Variants in ALOXE3 observed in about 807,000 individuals in gnomAD.
ALOXE3 encodes the protein arachidonate epidermal lipoxygenase 3, also known as hydroperoxide isomerase ALOXE3.
Under a neutral mutation model 87.5 loss-of-function variants are expected in ALOXE3, and 78 were observed. The observed-to-expected ratio is 0.89, with a 90% confidence interval of 0.74 to 1.08. The LOEUF is 1.08. Ranked by LOEUF, ALOXE3 falls within the 50% of genes least tolerant of loss-of-function variation. The pLI is 0.00. For missense variants in ALOXE3, 946 were observed against 912.4 expected (o/e 1.04, Z -0.47); for synonymous variants, 363 against 370.8 (o/e 0.98, Z 0.24).
chr17:8,114,136 C>T (rs977610202), intron 6 of ALOXE3, among the ~76,000 whole-genome samples: 5 of 151,954 alleles, frequency 3.3e-5, no homozygotes, highest in Non-Finnish European at 4.4e-5. Context: ...GTCACCTGGG[C>T]TCCTAAGCAC....
chr17:8,105,517 G>C (rs889758451), intron 13 of ALOXE3, among the ~76,000 whole-genome samples: 1 of 152,138 alleles, frequency 6.6e-6, no homozygotes, highest in Non-Finnish European at 1.5e-5. Context: ...CTCTCCAAAA[G>C]AATGTTAAGC....
At chr17:8,096,931 G>T in intron 15 of ALOXE3, 125 bp from the exon 16 acceptor site, 1 of 1,132,248 alleles carries the variant, frequency 8.8e-7, no homozygotes, top group Non-Finnish European at 1.3e-6. Flanking sequence ...TGCAGCCATT[G>T]TAAACACTTG....
intron 13 of ALOXE3, among the ~76,000 whole-genome samples, chr17:8,104,726 G>A (rs1164326764): frequency 6.6e-6 from 1 of 152,220 alleles, no homozygotes; most frequent in Non-Finnish European, 1.5e-5. Flanking sequence ...GGGCAGAAAG[G>A]GGCACCAGGA....
In ALOXE3 at chr17:8,114,580, G is replaced by C. The variant is rs139573113; in HGVS notation, c.584C>G (p.Pro195Arg). The C allele has an allele frequency of 3.7e-6, 6 of 1,613,910 alleles. No individual in the cohort carries two copies. The African/African-American group carries it at 8.0e-5, about 22-fold the overall frequency. ...CAGGGATGGGATGTCAATTTTCATG[G>C]GGAAGCCGGGCAGGTACCGATTCCC... ...SSGNRYLPGF[P>R]MKIDIPSLMY... The change falls in exon 6 of 16, where the codon CCC (proline) becomes CGC (arginine). Residue 195 changes from proline to arginine, a missense_variant. Pro to Arg is a moderately radical substitution (Grantham distance 103). Transcript: ENST00000448843.
At chr17:8,106,817 T>A (rs1437281632) in intron 13 of ALOXE3, among the ~76,000 whole-genome samples, 2 of 152,212 alleles carry the variant, frequency 1.3e-5, no homozygotes, top group Admixed American at 6.5e-5. Context: ...AATAGGTTTG[T>A]ACTCATTGAA....
rs1445531823 is a variant in ALOXE3, at chr17:8,110,303, C to T, written c.1102-8G>A. 1 of 1,613,578 alleles carries T rather than the reference C, an allele frequency of 6.2e-7. No homozygotes were observed. Among genetic ancestry groups the T allele is most frequent in the African/African-American group, 1.3e-5 (1 of 74,902 alleles). On this transcript the variant is annotated splice_polypyrimidine_tract_variant and splice_region_variant and intron_variant, in intron 9 of 15. Coordinates refer to ENST00000448843, the MANE Select transcript of ALOXE3 (RefSeq NM_021628.3). ...CCCGGGGGTCTGGCTGAGCTGCGTC[C>T]GAAAGGAACGAGGGATGATGGGGCT...
At chr17:8,109,627 A>C (rs1463715375) in intron 11 of ALOXE3, among the ~76,000 whole-genome samples, 1 of 129,172 alleles carries the variant, frequency 7.7e-6, no homozygotes, top group African/African-American at 2.9e-5. Flanking sequence ...GCTGGGGCTC[A>C]GGATGAGGCT....
intron 15 of ALOXE3, among the ~76,000 whole-genome samples, chr17:8,103,011 G>A (rs537034279): frequency 1.9e-4 from 29 of 152,294 alleles, no homozygotes; most frequent in African/African-American, 6.7e-4. Context: ...TTATAGGCCT[G>A]GTGCCCAGTG....
chr17:8,102,497 G>A (rs376443413), intron 15 of ALOXE3, among the ~76,000 whole-genome samples: 1 of 152,130 alleles, frequency 6.6e-6, no homozygotes. Flanking sequence ...CATGTGGGGG[G>A]GTGGGGGAAG....
In ALOXE3 at chr17:8,109,139, T is replaced by C. The variant is rs1321006754; in HGVS notation, c.1562+35A>G. 3.1e-6 allele frequency: 5 copies of C among 1,609,986 alleles called. No individual in the cohort carries two copies. The South Asian group carries it at 5.5e-5, about 18-fold the overall frequency. Reference sequence around the variant, plus strand: ...CACAATGTCCCAGGCCAGGAGACCCTGGTGGGACTGCTGGTCCCGCCCCGC... The same window carrying C: ...CACAATGTCCCAGGCCAGGAGACCCCGGTGGGACTGCTGGTCCCGCCCCGC... On this transcript the variant is annotated intron_variant, in intron 12 of 15. Coordinates refer to ENST00000448843, the MANE Select transcript of ALOXE3 (RefSeq NM_021628.3).
intron 12 of ALOXE3, 80 bp downstream of exon 12, chr17:8,109,094 G>A: frequency 6.3e-7 from 1 of 1,579,914 alleles, no homozygotes. Flanking sequence ...GAAATCCCCA[G>A]GCGCCATGAG....
chr17:8,096,908 A>G (rs1011441787), intron 15 of ALOXE3, 102 bp from the exon 16 acceptor site: 4 of 1,334,508 alleles, frequency 3.0e-6, no homozygotes, highest in Non-Finnish European at 4.2e-6. Flanking sequence ...GGCTTCTAGT[A>G]GCACAACCCA....
In ALOXE3 at chr17:8,096,610, G is replaced by T. The variant is rs761086809; in HGVS notation, c.*17C>A. The T allele has an allele frequency of 4.5e-6, 5 of 1,105,258 alleles. No individual in the cohort carries two copies. The highest frequency in any genetic ancestry group is 7.0e-6 in the Non-Finnish European group (5 of 715,338). The allele number at this position is 1,105,258 out of a possible 1,614,324, so 68.5% of individuals were successfully genotyped here. On this transcript the variant is annotated 3_prime_UTR_variant, in exon 16 of 16. Transcript: ENST00000448843. ...TGCTTGGACCTTTCTTTCTTCTTGG[G>T]TGGTATTTGGGGGTGGTTAGATGGA...
Position 8,096,823 on chromosome 17 carries a change from T to G in ALOXE3, c.1957-17A>C, listed in dbSNP as rs1461359034. On this transcript the variant is annotated splice_polypyrimidine_tract_variant and intron_variant, in intron 15 of 15. Coordinates refer to ENST00000448843, the MANE Select transcript of ALOXE3 (RefSeq NM_021628.3). ...CAGGGGCCTCTGGGAGGACATCAGG[T>G]AAGAGGTCAGGATGACATTCAGATG... The G allele has an allele frequency of 1.9e-6, 3 of 1,613,490 alleles. No homozygotes were observed.
At chr17:8,107,578 T>C (rs537109560) in intron 13 of ALOXE3, among the ~76,000 whole-genome samples, 1 of 151,366 alleles carries the variant, frequency 6.6e-6, no homozygotes, top group Admixed American at 6.6e-5. Flanking sequence ...GGCGGGCGGA[T>C]CATGAGGTCA....
chr17:8,111,402 G>A lies in ALOXE3; in HGVS notation c.914C>T (p.Ala305Val), dbSNP rs757749531. Residue 305 changes from alanine to valine, a missense_variant, in exon 8 of 16, where the codon GCC becomes GTC. Physicochemically the swap from Ala to Val is moderately conservative, Grantham distance 64. Coordinates refer to ENST00000448843, the MANE Select transcript of ALOXE3 (RefSeq NM_021628.3). ...SKLPVTNDMV[A>V]PLLGQDTCLQ... is the part of the protein sequence containing the mutation. ...GCATGTGTCCTGTCCCAGCAAGGGG[G>A]CCACCATGTCATTGGTGACAGGCAG... 4.3e-6 allele frequency: 7 copies of A among 1,613,762 alleles called. No individual in the cohort carries two copies. The South Asian group carries it at 5.5e-5, about 13-fold the overall frequency.
At chr17:8,117,803 GC>G in intron 2 of ALOXE3, 40 bp downstream of exon 2, 1 of 1,599,686 alleles carries the variant, frequency 6.3e-7, no homozygotes, top group African/African-American at 1.3e-5. Context: ...TGCGGCCCCT[GC>G]CCCTCTGAGG....
At chr17:8,118,563 C>G, upstream of ALOXE3, 1 of 1,527,342 alleles carries the variant, frequency 6.5e-7, no homozygotes, top group South Asian at 1.2e-5. Flanking sequence ...TCACACGTGA[C>G]TGCAGCCACA....
At position 8,110,431 on chromosome 17, in the gene ALOXE3, A is replaced by G; in HGVS notation, c.1055T>C (p.Leu352Pro). The G allele has an allele frequency of 1.2e-6, 2 of 1,612,692 alleles. No individual in the cohort carries two copies. Among genetic ancestry groups the G allele is most frequent in the African/African-American group, 1.3e-5 (1 of 75,054 alleles). Residue 352 changes from leucine (L) to proline (P), a missense_variant, in exon 9 of 16, where the codon CTG becomes CCG. Physicochemically the swap from Leu to Pro is moderately conservative, Grantham distance 98. Transcript: ENST00000448843. The stretch of plus-strand genomic sequence containing the variant: ...CGCCCCCTGGGGGCTGAGCCACAGC[A>G]GGCACAGTGGGGCGGCCACGTACTG... ...RQQYVAAPLC[L>P]LWLSPQGALV... is the part of the protein sequence containing the mutation.
Sources: allele counts gnomAD v4.1 joint callset (sites outside exome capture counted in the v4.1 genomes callset), GRCh38; gene constraint gnomAD v4.1.1; transcripts MANE v1.5; gene names NCBI Gene and HGNC (gene_info 2026-07-23, HGNC 2026-07-21).